The following MARCHF8 variants were observed in gnomAD, a reference collection of about 807,000 sequenced individuals.
MARCHF8 encodes membrane associated ring-CH-type finger 8.
MARCHF8 carries 40 observed loss-of-function variants against 51.6 expected under a neutral mutation model. That is an observed-to-expected ratio of 0.77 (90% CI 0.60 to 1.01). The LOEUF is 1.01. MARCHF8 is among the 50% of genes least tolerant of loss of function. MARCHF8 has a pLI of 0.00. For synonymous variants in MARCHF8, 263 were observed against 280.3 expected (o/e 0.94, Z 0.62); for missense variants, 685 against 708.6 (o/e 0.97, Z 0.38).
intron 2 of MARCHF8, among the ~76,000 whole-genome samples, chr10:45,503,536 C>CAAATAAATAAATAAATAAATAAAT (rs74794115): frequency 2.2e-4 from 32 of 144,954 alleles, no homozygotes; most frequent in South Asian, 4.4e-4. Flanking sequence ...GACTCCGTCT[C>CAAATAAATAAATAAATAAATAAAT]AAATAAATAA....
chr10:45,556,022 T>C (rs2044248453), intron 1 of MARCHF8, among the ~76,000 whole-genome samples: 1 of 152,146 alleles, frequency 6.6e-6, no homozygotes, highest in South Asian at 2.1e-4. Context: ...TGCATGCCCA[T>C]GATTAAGTAA....
At chr10:45,467,270 T>C (rs1182816425) in intron 3 of MARCHF8, among the ~76,000 whole-genome samples, 1 of 152,192 alleles carries the variant, frequency 6.6e-6, no homozygotes, top group Non-Finnish European at 1.5e-5. Context: ...GATCACAGAA[T>C]TTAAAGAAAA....
At chr10:45,459,381 C>T in intron 6 of MARCHF8, 114 bp from the exon 7 acceptor site, 2 of 1,181,820 alleles carry the variant, frequency 1.7e-6, no homozygotes, top group Non-Finnish European at 2.4e-6. Context: ...CCTTCCCAAA[C>T]TAGATGCATT....
In MARCHF8 at chr10:45,480,605, T is replaced by C. The variant is rs149113494; in HGVS notation, c.153+8762A>G. Among the ~76,000 whole-genome samples, 237 of 152,362 alleles carry C rather than the reference T, an allele frequency of 1.6e-3. 2 individuals carry two copies. In the East Asian group the frequency reaches 0.042, roughly 27 times the overall value. ...AGCAGCCAGGGTATAGTTCAGGTCA[T>C]GGCTTCAGAGGGTGCAAGCCCCAAG... On this transcript the variant is annotated intron_variant, in intron 3 of 7. Transcript: ENST00000453424.
chr10:45,496,489 G>A (rs2043177432), intron 2 of MARCHF8, among the ~76,000 whole-genome samples: 1 of 152,016 alleles, frequency 6.6e-6, no homozygotes, highest in South Asian at 2.1e-4. Flanking sequence ...TTGGCATAAG[G>A]AAATGATATC....
At chr10:45,466,957 G>A (rs571204726) in intron 3 of MARCHF8, among the ~76,000 whole-genome samples, 7 of 152,296 alleles carry the variant, frequency 4.6e-5, no homozygotes, top group East Asian at 1.9e-4. Flanking sequence ...ACACACACAC[G>A]TCAGGACATG....
At chr10:45,511,169 A>AC (rs2043493385) in intron 2 of MARCHF8, among the ~76,000 whole-genome samples, 1 of 150,868 alleles carries the variant, frequency 6.6e-6, no homozygotes, top group South Asian at 2.1e-4. Flanking sequence ...TCTGAATATG[A>AC]AGTAAGGGTT....
In MARCHF8 at chr10:45,479,732, C is replaced by T. The variant is rs577750025; in HGVS notation, c.153+9635G>A. ...GTGAGGCCTCCCCAGCCATGTGGAA[C>T]TGTGAGTCCATTAAACCTCTTTTAC... On this transcript the variant is annotated intron_variant, in intron 3 of 7. Coordinates refer to ENST00000453424, the MANE Select transcript of MARCHF8 (RefSeq NM_001282866.2). 1.4e-4 allele frequency among the ~76,000 whole-genome samples: 22 copies of T among 152,334 alleles called. No individual in the cohort carries two copies. In the South Asian group the frequency reaches 3.7e-3, roughly 26 times the overall value.
rs1842883908 is a variant in MARCHF8 at position 45,463,979 on chromosome 10, G to A, written c.260C>T (p.Ser87Phe). ...CACGGAACTGTGGTGACAACACTCA[G>A]AAAACACTGCACTGGAACTGCATGC... ...QDICSSSAVF[S>F]ECCHHSSVQS... is the part of the protein sequence containing the mutation. Residue 87 changes from serine to phenylalanine, a missense_variant, in exon 5 of 8, where the codon TCT becomes TTT. Coordinates refer to ENST00000453424, the MANE Select transcript of MARCHF8 (RefSeq NM_001282866.2). 1 of 1,535,284 alleles carries A rather than the reference G, an allele frequency of 6.5e-7. No homozygotes were observed. Among genetic ancestry groups the A allele is most frequent in the Non-Finnish European group, 8.7e-7 (1 of 1,146,648 alleles).
chr10:45,475,318 G>C (rs1273539346), intron 3 of MARCHF8, among the ~76,000 whole-genome samples: 2 of 152,316 alleles, frequency 1.3e-5, no homozygotes, highest in Admixed American at 1.3e-4. Flanking sequence ...CTGCAGTATA[G>C]CCACTGCTGC....
At chr10:45,495,189 A>G (rs1353653198) in intron 2 of MARCHF8, among the ~76,000 whole-genome samples, 3 of 152,084 alleles carry the variant, frequency 2.0e-5, no homozygotes, top group African/African-American at 7.2e-5. Flanking sequence ...GGTTTTATCT[A>G]TGGGTATTTG....
chr10:45,512,021 G>A (rs566429951), intron 2 of MARCHF8, among the ~76,000 whole-genome samples: 4 of 150,838 alleles, frequency 2.7e-5, no homozygotes, highest in East Asian at 2.0e-4. Context: ...CTTCCCGGCC[G>A]TCATCCCATC....
chr10:45,497,167 A>G (rs2043189139), intron 2 of MARCHF8, among the ~76,000 whole-genome samples: 1 of 152,262 alleles, frequency 6.6e-6, no homozygotes, highest in East Asian at 1.9e-4. Flanking sequence ...AGGGGTAGTC[A>G]TTATATTAAT....
intron 3 of MARCHF8, among the ~76,000 whole-genome samples, chr10:45,483,989 T>A (rs371620319): frequency 6.6e-6 from 1 of 152,114 alleles, no homozygotes; most frequent in Non-Finnish European, 1.5e-5. Context: ...TAATGTTCAA[T>A]AACAACAGAG....
chr10:45,559,133 G>A (rs2044283178), intron 1 of MARCHF8, among the ~76,000 whole-genome samples: 2 of 152,206 alleles, frequency 1.3e-5, no homozygotes, highest in South Asian at 4.1e-4. Context: ...GAAATTAGAA[G>A]TTGGTAAACA....
At chr10:45,545,858 T>C (rs2044113188) in intron 1 of MARCHF8, among the ~76,000 whole-genome samples, 1 of 152,160 alleles carries the variant, frequency 6.6e-6, no homozygotes, top group Non-Finnish European at 1.5e-5. Context: ...CATCTCGCCC[T>C]CTGTCTCACT....
At chr10:45,469,545 T>C (rs999210827) in intron 3 of MARCHF8, among the ~76,000 whole-genome samples, 69 of 152,252 alleles carry the variant, frequency 4.5e-4, no homozygotes, top group African/African-American at 7.5e-4. Flanking sequence ...CAGATGTGTA[T>C]GCAAAAGTGA....
intron 5 of MARCHF8, 67 bp downstream of exon 5, chr10:45,463,084 A>G: frequency 1.4e-6 from 2 of 1,478,220 alleles, no homozygotes; most frequent in South Asian, 2.8e-5. Context: ...AACTTCACAT[A>G]CTAAAGCAAG....
In MARCHF8 at chr10:45,459,402, T is replaced by C. The variant is rs1042190523; in HGVS notation, c.1270-135A>G. 8 of 1,052,252 alleles carry C rather than the reference T, an allele frequency of 7.6e-6. No individual in the cohort carries two copies. In the African/African-American group the frequency reaches 1.3e-4, roughly 17 times the overall value. 65.2% of individuals were successfully genotyped at this position (1,052,252 alleles called of 1,614,324 possible). A position where few individuals can be genotyped will look rare whatever the true frequency, so the allele number is the denominator to read the frequency against. The stretch of plus-strand genomic sequence containing the variant: ...CAAACTAGATGCATTCCCCCAAGTA[T>C]TGTTCTCCTAAAACCACTTGGCTTC... On this transcript the variant is annotated intron_variant, in intron 6 of 7. Coordinates refer to ENST00000453424, the MANE Select transcript of MARCHF8 (RefSeq NM_001282866.2).
Sources: allele counts gnomAD v4.1 joint callset (sites outside exome capture counted in the v4.1 genomes callset), GRCh38; gene constraint gnomAD v4.1.1; transcripts MANE v1.5; gene names NCBI Gene and HGNC (gene_info 2026-07-23, HGNC 2026-07-21).